The following COL8A2 variants were observed in gnomAD, a reference collection of about 807,000 sequenced individuals.
COL8A2 encodes the protein collagen alpha-2(VIII) chain.
In COL8A2, 16 loss-of-function variants were observed where a neutral mutation model predicts 24.0. The observed-to-expected ratio is 0.67, with a 90% confidence interval of 0.45 to 1.01. The LOEUF is 1.01. Ranked by LOEUF, COL8A2 falls within the 50% of genes least tolerant of loss-of-function variation. The pLI is 0.00. For missense variants in COL8A2, 818 were observed against 942.4 expected (o/e 0.87, Z 1.73); for synonymous variants, 466 against 424.5 (o/e 1.10, Z -1.20).
At position 36,095,400 on chromosome 1, in the gene COL8A2, A is replaced by G. The variant is rs550572047; in HGVS notation, c.*2169T>C. The G allele has an allele frequency of 2.6e-5, 4 of 152,308 alleles. No homozygotes were observed. The South Asian group carries it at 6.2e-4, about 24-fold the overall frequency. The allele number at this position is 152,308 out of a possible 1,614,324, so 9.4% of individuals were successfully genotyped here. On this transcript the variant is annotated 3_prime_UTR_variant, in exon 4 of 4. Coordinates refer to ENST00000397799, the MANE Select transcript of COL8A2 (RefSeq NM_005202.4). The stretch of plus-strand genomic sequence containing the variant: ...AGGTATGTAGAGAGCTAAGCTTCCT[A>G]TACCAAGTTAGAAGTGAAATGACTA...
chr1:36,120,608 C>T (rs1303342661), intron 1 of COL8A2, among the ~76,000 whole-genome samples: 1 of 151,790 alleles, frequency 6.6e-6, no homozygotes, highest in East Asian at 1.9e-4. Context: ...ATTAGCCAGG[C>T]TTGGCAGCGT....
intron 2 of COL8A2, among the ~76,000 whole-genome samples, chr1:36,109,834 G>C (rs1451443921): frequency 5.5e-4 from 84 of 151,910 alleles, no homozygotes. Flanking sequence ...TTGACCTTGT[G>C]ATCCGCCTGC....
Position 36,123,658 on chromosome 1 carries a change from TGTG to T in COL8A2, c.-62+1396_-62+1398del, listed in dbSNP as rs1172528528. Among the ~76,000 whole-genome samples, 2 of 152,220 alleles carry T rather than the reference TGTG, an allele frequency of 1.3e-5. No individual in the cohort carries two copies. The highest frequency in any genetic ancestry group is 4.8e-5 in the African/African-American group (2 of 41,530). ...TGTGTGCATGTGTCCGCCTGTGTCT[TGTG>T]GTGGTGTATGTTTCATTAGAGGAGG... On this transcript the variant is annotated intron_variant, in intron 1 of 3. Coordinates refer to ENST00000397799, the MANE Select transcript of COL8A2 (RefSeq NM_005202.4). This position sits in a 1 kb window ranked among gnomAD's most constrained non-coding sequence, Gnocchi z 4.1.
At chr1:36,099,597 G>A (rs531919357) in intron 3 of COL8A2, 110 bp from the exon 4 acceptor site, 10 of 851,660 alleles carry the variant, frequency 1.2e-5, no homozygotes, top group Non-Finnish European at 1.9e-5. Flanking sequence ...GGAAGAATGG[G>A]GCTGCCCCTT....
At position 36,097,774 on chromosome 1, in the gene COL8A2, G is replaced by C. The variant is rs1221393835; in HGVS notation, c.1907C>G (p.Ala636Gly). The C allele has an allele frequency of 6.2e-7, 1 of 1,613,854 alleles. No individual in the cohort carries two copies. The highest frequency in any genetic ancestry group is 2.2e-5 in the East Asian group (1 of 44,884). ...VHVKGTNVWV[A>G]LYKNNVPATY... ...GGCCGGCACGTTGTTCTTGTACAGG[G>C]CCACCCACACGTTGGTGCCCTTGAC... Residue 636 changes from alanine (A) to glycine (G), a missense_variant, in exon 4 of 4, where the codon GCC (alanine) becomes GGC (glycine). Transcript: ENST00000397799.
chr1:36,123,573 G>T lies in COL8A2; in HGVS notation c.-62+1484C>A, dbSNP rs1302547806. On this transcript the variant is annotated intron_variant, in intron 1 of 3. Coordinates refer to ENST00000397799, the MANE Select transcript of COL8A2 (RefSeq NM_005202.4). The surrounding 1 kb of genome is among the most constrained non-coding windows in gnomAD (Gnocchi z 4.1). ...AGCGTATGTGTGTGTGTGCCGTCCT[G>T]TCTGAGTATGTCTGGCTGGGCCACG... Among the ~76,000 whole-genome samples, 1 of 152,134 alleles carries T rather than the reference G, an allele frequency of 6.6e-6. No homozygotes were observed. Among genetic ancestry groups the T allele is most frequent in the Admixed American group, 6.5e-5 (1 of 15,282 alleles).
chr1:36,098,160 C>G lies in COL8A2; in HGVS notation c.1521G>C (p.Gly507=). The change falls in exon 4 of 4, where the codon GGG becomes GGC. Residue 507 remains glycine, a synonymous_variant. Coordinates refer to ENST00000397799, the MANE Select transcript of COL8A2 (RefSeq NM_005202.4). The part of the protein sequence containing the change: ...AGEPGTAGPT[G]PPGVPGSPGI... ...CAGGGGAGCCAGGGACCCCTGGGGGCCCCGTGGGCCCAGCCGTGCCAGGTT... is the reference window on the plus strand; with the variant it reads ...CAGGGGAGCCAGGGACCCCTGGGGGGCCCGTGGGCCCAGCCGTGCCAGGTT... 6.7e-7 allele frequency: 1 copy of G among 1,485,956 alleles called. No homozygotes were observed. Among genetic ancestry groups the G allele is most frequent in the Non-Finnish European group, 8.9e-7 (1 of 1,123,060 alleles). The allele number at this position is 1,485,956 out of a possible 1,614,324, so 92.0% of individuals were successfully genotyped here.
chr1:36,105,619 T>C (rs1413675748), intron 2 of COL8A2, among the ~76,000 whole-genome samples: 2 of 152,152 alleles, frequency 1.3e-5, no homozygotes, highest in Non-Finnish European at 2.9e-5. Flanking sequence ...GTAATCCTCA[T>C]ACACGCCTGT....
chr1:36,120,404 G>A (rs974952975), intron 1 of COL8A2, among the ~76,000 whole-genome samples: 1 of 152,104 alleles, frequency 6.6e-6, no homozygotes, highest in African/African-American at 2.4e-5. Flanking sequence ...AGTGAGCCAA[G>A]ATTGCACCAC....
Position 36,100,190 on chromosome 1 carries a change from A to G in COL8A2, c.53T>C (p.Leu18Pro). ...LSSLLLLLLV[L>P]VLGCGPRASS... ...CGCCCGCGGCCCACACCCCAGCACC[A>G]GCACCAGTAGCAGCAGCAGCAGCGA... The change falls in exon 3 of 4, where the codon CTG becomes CCG. Residue 18 changes from leucine (L) to proline (P), a missense_variant. Physicochemically the swap from Leu to Pro is moderately conservative, Grantham distance 98. This residue lies in a region of COL8A2 where 573 missense variants were observed against 616.8 expected (regional missense o/e 0.93). Transcript: ENST00000397799. 6.2e-7 allele frequency: 1 copy of G among 1,603,564 alleles called. No individual in the cohort carries two copies. The highest frequency in any genetic ancestry group is 1.1e-5 in the South Asian group (1 of 90,028).
At chr1:36,099,942 G>A (rs926048861) in intron 3 of COL8A2, 108 bp downstream of exon 3, 8 of 1,050,740 alleles carry the variant, frequency 7.6e-6, no homozygotes, top group Non-Finnish European at 1.0e-5. Flanking sequence ...AAATTGGTGG[G>A]GAATGAGGAG....
At position 36,100,887 on chromosome 1, in the gene COL8A2, C is replaced by CTTTTTTTT. The variant is rs139330748; in HGVS notation, c.-16-637_-16-630dup. On this transcript the variant is annotated intron_variant, in intron 2 of 3. Transcript: ENST00000397799. ...ATGGCGCTTAGCATAGCATTCAAGG[C>CTTTTTTTT]TTTTTTTTTTTTTTTTTTTTTTTTT... Among the ~76,000 whole-genome samples the CTTTTTTTT allele has an allele frequency of 1.5e-3, 77 of 50,164 alleles. 6 individuals are homozygous for CTTTTTTTT. Among genetic ancestry groups the CTTTTTTTT allele is most frequent in the East Asian group, 8.1e-3 (6 of 740 alleles). 32.9% of individuals were successfully genotyped at this position (50,164 alleles called of 152,430 possible). A position where few individuals can be genotyped will look rare whatever the true frequency, so the allele number is the denominator to read the frequency against.
rs994326280 is a variant in COL8A2 at position 36,123,583 on chromosome 1, G to A, written c.-62+1474C>T. ...TGTGTGTGCCGTCCTGTCTGAGTAT[G>A]TCTGGCTGGGCCACGTGGGGCCTGC... On this transcript the variant is annotated intron_variant, in intron 1 of 3. Transcript: ENST00000397799. This position sits in a 1 kb window ranked among gnomAD's most constrained non-coding sequence, Gnocchi z 4.1. Among the ~76,000 whole-genome samples the A allele has an allele frequency of 2.6e-5, 4 of 152,152 alleles. No homozygotes were observed. The highest frequency in any genetic ancestry group is 9.7e-5 in the African/African-American group (4 of 41,408).
chr1:36,111,306 C>T (rs1643837849), intron 2 of COL8A2, among the ~76,000 whole-genome samples: 1 of 152,166 alleles, frequency 6.6e-6, no homozygotes, highest in South Asian at 2.1e-4. Flanking sequence ...CACCCTCTCA[C>T]CTCGGGGTGC....
At chr1:36,116,225 G>C (rs916724228) in intron 1 of COL8A2, among the ~76,000 whole-genome samples, 6 of 152,072 alleles carry the variant, frequency 3.9e-5, no homozygotes, top group African/African-American at 1.2e-4. Flanking sequence ...CTCCTCCCCT[G>C]AGGGAAGCAG....
At chr1:36,113,564 G>A (rs1443211003) in intron 2 of COL8A2, among the ~76,000 whole-genome samples, 3 of 152,248 alleles carry the variant, frequency 2.0e-5, no homozygotes, top group Non-Finnish European at 4.4e-5. Flanking sequence ...GTGCCCACGA[G>A]CTGAGCTCTC....
intron 1 of COL8A2, among the ~76,000 whole-genome samples, chr1:36,121,956 C>T (rs185855718): frequency 3.9e-5 from 6 of 152,232 alleles, no homozygotes; most frequent in Non-Finnish European, 8.8e-5. Flanking sequence ...ACTAGCCCTC[C>T]GCCACCCCCA....
At chr1:36,106,102 C>T (rs1643756741) in intron 2 of COL8A2, among the ~76,000 whole-genome samples, 1 of 151,826 alleles carries the variant, frequency 6.6e-6, no homozygotes, top group South Asian at 2.1e-4. Flanking sequence ...GAAACTCCAT[C>T]TCTACTAAAA....
intron 2 of COL8A2, among the ~76,000 whole-genome samples, chr1:36,106,235 G>C (rs1156477749): frequency 6.6e-6 from 1 of 151,498 alleles, no homozygotes; most frequent in Admixed American, 6.6e-5. Flanking sequence ...CTGCACTCCA[G>C]CTTGGGCGAC....
Sources: allele counts gnomAD v4.1 joint callset (sites outside exome capture counted in the v4.1 genomes callset), GRCh38; gene constraint gnomAD v4.1.1; regional missense constraint gnomAD v4.1.1; non-coding constraint Gnocchi (gnomAD v3.1); transcripts MANE v1.5; gene names NCBI Gene and HGNC (gene_info 2026-07-23, HGNC 2026-07-21).